Variants in BACE2 observed in about 807,000 individuals in gnomAD.
BACE2 encodes the protein beta-secretase 2.
A neutral mutation model predicts 46.2 loss-of-function variants in BACE2; 17 were observed. The observed-to-expected ratio is 0.37, with a 90% CI of 0.25 to 0.55. The LOEUF is 0.55. BACE2 is among the 20% of genes least tolerant of loss of function. The pLI is 0.82. For missense variants in BACE2, 595 were observed against 698.1 expected (o/e 0.85, Z 1.66); for synonymous variants, 277 against 295.9 (o/e 0.94, Z 0.66).
chr21:41,257,046 T>TC (rs983078908), intron 7 of BACE2, 112 bp from the exon 8 acceptor site: 175 of 1,179,784 alleles, frequency 1.5e-4, no homozygotes, highest in Non-Finnish European at 1.9e-4. Context: ...CTCCCGTGAC[T>TC]CCCCCCAGCG....
chr21:41,247,656 G>C (rs1297700451), intron 6 of BACE2, among the ~76,000 whole-genome samples: 1 of 152,250 alleles, frequency 6.6e-6, no homozygotes, highest in Non-Finnish European at 1.5e-5. Flanking sequence ...TGAGAGGCGG[G>C]GCGGCGGGGC....
intron 7 of BACE2, among the ~76,000 whole-genome samples, chr21:41,253,480 C>T (rs1987696976): frequency 6.6e-6 from 1 of 150,812 alleles, no homozygotes; most frequent in Non-Finnish European, 1.5e-5. Context: ...TTGATGATTA[C>T]ATTTTGGCTA....
intron 1 of BACE2, among the ~76,000 whole-genome samples, chr21:41,189,743 C>T (rs531184759): frequency 3.3e-5 from 5 of 152,246 alleles, no homozygotes; most frequent in Admixed American, 1.3e-4. Context: ...TTTTATTAGT[C>T]AGGGTTCTGT....
chr21:41,215,606 G>C (rs1449874681), intron 1 of BACE2, among the ~76,000 whole-genome samples: 1 of 152,182 alleles, frequency 6.6e-6, no homozygotes, highest in Non-Finnish European at 1.5e-5. Flanking sequence ...TGTTAGTTGT[G>C]ATTGTGTTCT....
At chr21:41,227,630 C>A (rs1986858277) in intron 2 of BACE2, among the ~76,000 whole-genome samples, 1 of 152,174 alleles carries the variant, frequency 6.6e-6, no homozygotes, top group African/African-American at 2.4e-5. Flanking sequence ...CTGTGGTGGC[C>A]AGTGCTCTAT....
At chr21:41,234,982 G>A (rs1601293747) in intron 2 of BACE2, among the ~76,000 whole-genome samples, 2 of 152,250 alleles carry the variant, frequency 1.3e-5, no homozygotes, top group East Asian at 3.9e-4. Context: ...CAAGATAGTA[G>A]GCAAATATTA....
intron 1 of BACE2, among the ~76,000 whole-genome samples, chr21:41,187,045 A>G (rs1414270091): frequency 6.6e-6 from 1 of 152,210 alleles, no homozygotes; most frequent in Non-Finnish European, 1.5e-5. Context: ...TCCTATGTCC[A>G]AGCCTTGCCT....
rs766024710 is a variant in BACE2, at chr21:41,279,290, T to C, written c.*3666T>C. 8.5e-5 allele frequency: 13 copies of C among 152,314 alleles called. No individual in the cohort carries two copies. The highest frequency in any genetic ancestry group is 1.5e-4 in the Non-Finnish European group (10 of 68,030). The allele number at this position is 152,314 out of a possible 1,614,324, so 9.4% of individuals were successfully genotyped here. On this transcript the variant is annotated 3_prime_UTR_variant, in exon 9 of 9. Transcript: ENST00000330333. ...GTATGCTAACAAAATAAGCAGTACATATTTTTTTAGAAAATGCAGTTTAGG... is the reference window on the plus strand; with the variant it reads ...GTATGCTAACAAAATAAGCAGTACACATTTTTTTAGAAAATGCAGTTTAGG...
chr21:41,259,859 G>A (rs1387573119), intron 8 of BACE2, among the ~76,000 whole-genome samples: 1 of 151,014 alleles, frequency 6.6e-6, no homozygotes, highest in Non-Finnish European at 1.5e-5. Context: ...ACAGGGTCTT[G>A]CTCTGTCACT....
intron 1 of BACE2, among the ~76,000 whole-genome samples, chr21:41,174,139 CTTTT>C (rs1328562900): frequency 4.1e-5 from 2 of 48,496 alleles, no homozygotes; most frequent in Non-Finnish European, 6.2e-5. Flanking sequence ...GATCAGTGGC[CTTTT>C]TTTTTTTTTT....
chr21:41,249,931 G>A (rs1987592435), intron 6 of BACE2, among the ~76,000 whole-genome samples: 2 of 152,180 alleles, frequency 1.3e-5, no homozygotes, highest in Non-Finnish European at 2.9e-5. Context: ...GGTACTGGTG[G>A]ATGTCCTGTG....
intron 1 of BACE2, among the ~76,000 whole-genome samples, chr21:41,201,148 T>C (rs1985952824): frequency 6.6e-6 from 1 of 152,232 alleles, no homozygotes; most frequent in Admixed American, 6.5e-5. Flanking sequence ...CTCTGCTGTC[T>C]TACCCTACCT....
intron 1 of BACE2, among the ~76,000 whole-genome samples, chr21:41,173,447 AT>A (rs1256415709): frequency 6.6e-6 from 1 of 152,128 alleles, no homozygotes; most frequent in Admixed American, 6.5e-5. Flanking sequence ...CTGCTTGAAA[AT>A]TTAAAATGTC....
intron 2 of BACE2, 55 bp downstream of exon 2, chr21:41,226,409 T>C (rs1986820629): frequency 1.4e-6 from 2 of 1,457,372 alleles, no homozygotes; most frequent in Non-Finnish European, 1.9e-6. Flanking sequence ...ATGATCAACA[T>C]GCTTCAAAAT....
chr21:41,235,648 G>A (rs1987095444), intron 2 of BACE2, among the ~76,000 whole-genome samples: 1 of 152,100 alleles, frequency 6.6e-6, no homozygotes, highest in Non-Finnish European at 1.5e-5. Context: ...ACTAGCTCGG[G>A]CAATATAATG....
chr21:41,247,964 G>A (rs1987521877), intron 6 of BACE2, among the ~76,000 whole-genome samples: 1 of 152,170 alleles, frequency 6.6e-6, no homozygotes, highest in African/African-American at 2.4e-5. Flanking sequence ...CTGGTTAAGG[G>A]GAGGGCTGGC....
chr21:41,239,172 T>C (rs1987219590), intron 3 of BACE2, among the ~76,000 whole-genome samples: 1 of 151,238 alleles, frequency 6.6e-6, no homozygotes, highest in Non-Finnish European at 1.5e-5. Flanking sequence ...CCAGCTCAAG[T>C]TTATGAGCAG....
At chr21:41,222,825 A>G (rs757297843) in intron 1 of BACE2, among the ~76,000 whole-genome samples, 1 of 151,874 alleles carries the variant, frequency 6.6e-6, no homozygotes, top group Non-Finnish European at 1.5e-5. Flanking sequence ...AGCCCTCGGG[A>G]CCTCCTGGTG....
At chr21:41,185,864 G>C (rs1046312146) in intron 1 of BACE2, among the ~76,000 whole-genome samples, 4 of 152,310 alleles carry the variant, frequency 2.6e-5, no homozygotes, top group Middle Eastern at 3.4e-3. Flanking sequence ...GTATCCCAGA[G>C]TCAACACAAC....
Sources: gnomAD v4.1 joint callset for allele counts (sites outside exome capture counted in the v4.1 genomes callset) on GRCh38, gnomAD v4.1.1 for gene constraint, MANE v1.5 for transcripts, NCBI Gene and HGNC (gene_info 2026-07-23, HGNC 2026-07-21) for gene names.